BBS9: variants seen among roughly 807,000 people sequenced by gnomAD.
BBS9 encodes protein PTHB1.
In BBS9, 89 loss-of-function variants were observed where a neutral mutation model predicts 117.7. The ratio of observed to expected loss-of-function variants is 0.76; its 90% CI spans 0.64 to 0.90. BBS9 has a LOEUF of 0.90. BBS9 is among the 40% of genes least tolerant of loss of function. BBS9 has a pLI of 0.00. For synonymous variants in BBS9, 379 were observed against 370.9 expected (o/e 1.02, Z -0.25); for missense variants, 982 against 1,042.2 (o/e 0.94, Z 0.80).
intron 16 of BBS9, among the ~76,000 whole-genome samples, chr7:33,362,636 C>T (rs1364116352): frequency 6.6e-6 from 1 of 152,124 alleles, no homozygotes; most frequent in Non-Finnish European, 1.5e-5. Flanking sequence ...TTGCTATATA[C>T]CAATAACATT....
intron 7 of BBS9, 30 bp from the exon 8 acceptor site, chr7:33,272,982 A>G (rs1800080853): frequency 2.5e-6 from 4 of 1,611,586 alleles, no homozygotes; most frequent in Non-Finnish European, 3.4e-6. Context: ...GAGGTTAGCA[A>G]CTAAATTGAT....
intron 9 of BBS9, among the ~76,000 whole-genome samples, chr7:33,322,978 C>T (rs534583385): frequency 1.2e-4 from 18 of 152,192 alleles, no homozygotes; most frequent in African/African-American, 3.8e-4. Context: ...TTCCTTTTAA[C>T]TTCTTCATTG....
intron 18 of BBS9, 40 bp from the exon 19 acceptor site, chr7:33,387,952 G>T (rs201083467): frequency 3.8e-6 from 6 of 1,595,534 alleles, no homozygotes; most frequent in African/African-American, 1.3e-5. Flanking sequence ...GATGTTTTTT[G>T]TGTCCATTTA....
chr7:33,348,220 A>G (rs768509720), intron 12 of BBS9, among the ~76,000 whole-genome samples: 1 of 152,122 alleles, frequency 6.6e-6, no homozygotes, highest in Non-Finnish European at 1.5e-5. Context: ...TATTCTATAC[A>G]TTTCATATAA....
intron 16 of BBS9, among the ~76,000 whole-genome samples, chr7:33,366,866 T>G (rs568656174): frequency 1.3e-5 from 2 of 152,256 alleles, no homozygotes; most frequent in South Asian, 4.1e-4. Context: ...TCTCTGTCAC[T>G]TTGTCTGTAA....
intron 6 of BBS9, among the ~76,000 whole-genome samples, chr7:33,259,727 G>A (rs1411065857): frequency 2.6e-5 from 4 of 152,006 alleles, no homozygotes; most frequent in Non-Finnish European, 5.9e-5. Flanking sequence ...ACTGTTCTCT[G>A]GGCCATGTAT....
intron 5 of BBS9, among the ~76,000 whole-genome samples, chr7:33,187,302 A>G (rs904982805): frequency 5.9e-5 from 9 of 152,222 alleles, no homozygotes; most frequent in African/African-American, 9.6e-5. Context: ...TCTTTCACTG[A>G]TAGTCTGATT....
chr7:33,352,754 T>A lies in BBS9; in HGVS notation c.1538-105T>A, dbSNP rs1818903760. The stretch of plus-strand genomic sequence containing the variant: ...CTGTGAGAATCTTGAAATTTTAATT[T>A]GTATTTTAAGCAGATATGTGTCAAA... On this transcript the variant is annotated intron_variant, in intron 14 of 22. Coordinates refer to ENST00000242067, the MANE Select transcript of BBS9 (RefSeq NM_198428.3). 4.6e-6 allele frequency: 6 copies of A among 1,308,888 alleles called. No homozygotes were observed. The East Asian group carries it at 1.4e-4, about 30-fold the overall frequency. The allele number at this position is 1,308,888 out of a possible 1,614,324, so 81.1% of individuals were successfully genotyped here.
intron 9 of BBS9, among the ~76,000 whole-genome samples, chr7:33,285,936 C>A (rs571793395): frequency 4.6e-5 from 7 of 151,882 alleles, no homozygotes; most frequent in Admixed American, 1.3e-4. Flanking sequence ...ATGTAAAACA[C>A]AGCATCCTCC....
At chr7:33,524,702 TC>T (rs1361678491) in intron 20 of BBS9, among the ~76,000 whole-genome samples, 17 of 152,204 alleles carry the variant, frequency 1.1e-4, no homozygotes, top group Non-Finnish European at 2.5e-4. Flanking sequence ...AAAAACCAGC[TC>T]CTGGATTCAT....
intron 1 of BBS9, among the ~76,000 whole-genome samples, chr7:33,139,120 C>T (rs569902317): frequency 2.6e-5 from 4 of 151,108 alleles, no homozygotes; most frequent in South Asian, 2.1e-4. Flanking sequence ...GGCGTGGTGG[C>T]GCATGCCTGT....
intron 19 of BBS9, among the ~76,000 whole-genome samples, chr7:33,454,948 T>C (rs1175503406): frequency 6.6e-6 from 1 of 152,200 alleles, no homozygotes; most frequent in Non-Finnish European, 1.5e-5. Context: ...TTTATCTTTC[T>C]GGTGTAAGAG....
intron 5 of BBS9, among the ~76,000 whole-genome samples, chr7:33,189,623 C>G (rs1271615252): frequency 5.3e-5 from 8 of 151,194 alleles, no homozygotes; most frequent in South Asian, 2.1e-4. Context: ...TGTGGTGGCT[C>G]ACGCCTGTAA....
intron 5 of BBS9, among the ~76,000 whole-genome samples, chr7:33,192,799 C>G (rs1443570781): frequency 6.6e-6 from 1 of 152,188 alleles, no homozygotes; most frequent in Non-Finnish European, 1.5e-5. Flanking sequence ...ATGGCACCAC[C>G]TTGGTGTCCT....
intron 18 of BBS9, among the ~76,000 whole-genome samples, chr7:33,386,273 A>C (rs1489942157): frequency 6.6e-6 from 1 of 152,070 alleles, no homozygotes; most frequent in East Asian, 1.9e-4. Context: ...ATGCACTGAA[A>C]GGGTAAGGAA....
At chr7:33,495,027 C>A (rs1159059300) in intron 19 of BBS9, among the ~76,000 whole-genome samples, 1 of 152,084 alleles carries the variant, frequency 6.6e-6, no homozygotes, top group Non-Finnish European at 1.5e-5. Flanking sequence ...ACTATTTTAT[C>A]TAAAAAAGCA....
intron 19 of BBS9, among the ~76,000 whole-genome samples, chr7:33,400,264 GAA>G (rs1828688288): frequency 6.6e-6 from 1 of 151,938 alleles, no homozygotes; most frequent in Non-Finnish European, 1.5e-5. Flanking sequence ...GATATACTCA[GAA>G]ACAAGATGTT....
At chr7:33,392,700 CCTTCAATTTA>C (rs150896222) in intron 19 of BBS9, among the ~76,000 whole-genome samples, 4,287 of 152,058 alleles carry the variant, frequency 0.028, 197 homozygotes, top group African/African-American at 0.093. Flanking sequence ...CTTTTCTAAC[CCTTCAATTTA>C]GTTTTTCTAT....
rs1171336713 is a variant in BBS9 at position 33,503,858 on chromosome 7, A to G, written c.2116-1605A>G. 2.0e-5 allele frequency among the ~76,000 whole-genome samples: 3 copies of G among 152,134 alleles called. No homozygotes were observed. The South Asian group carries it at 6.2e-4, about 32-fold the overall frequency. On this transcript the variant is annotated intron_variant, in intron 19 of 22. Coordinates refer to ENST00000242067, the MANE Select transcript of BBS9 (RefSeq NM_198428.3). ...GGTTTAAGGAAAGTGGGCTCTTTCC[A>G]TCTTTTCGAGGGGACTTCTTGAAGT...
Sources: gnomAD v4.1 joint callset for allele counts (sites outside exome capture counted in the v4.1 genomes callset) on GRCh38, gnomAD v4.1.1 for gene constraint, MANE v1.5 for transcripts, NCBI Gene and HGNC (gene_info 2026-07-23, HGNC 2026-07-21) for gene names.